The following TENM3 variants were observed in gnomAD, a reference collection of about 807,000 sequenced individuals.
The protein encoded by TENM3 is teneurin-3.
A neutral mutation model predicts 255.1 loss-of-function variants in TENM3; 63 were observed. The observed-to-expected ratio is 0.25, with a 90% confidence interval of 0.20 to 0.30. The LOEUF is 0.30. TENM3 is among the 10% of genes least tolerant of loss of function. TENM3 has a pLI of 1.00. For missense variants in TENM3, 2,929 were observed against 3,461.1 expected (o/e 0.85, Z 3.86); for synonymous variants, 1,306 against 1,322.3 (o/e 0.99, Z 0.27).
the TENM3 span, among the ~76,000 whole-genome samples, chr4:181,651,373 A>G: frequency 9.9e-5 from 15 of 152,148 alleles, no homozygotes; most frequent in African/African-American, 3.4e-4. Context: ...GCCAAGGCAG[A>G]TGGATCACCT....
chr4:182,236,652 T>C (rs1000277597), intron 1 of TENM3, among the ~76,000 whole-genome samples: 1 of 152,242 alleles, frequency 6.6e-6, no homozygotes, highest in African/African-American at 2.4e-5. Context: ...ACAAGGTTAC[T>C]CTGGTATGTG....
At chr4:182,282,497 G>A (rs1468268321) in intron 1 of TENM3, among the ~76,000 whole-genome samples, 2 of 152,206 alleles carry the variant, frequency 1.3e-5, no homozygotes, top group Non-Finnish European at 2.9e-5. Flanking sequence ...GAAAGTGGCT[G>A]TCATCGGTAA....
rs577016851 is a variant in TENM3, at chr4:182,743,424, G to A, written c.3629+5G>A. On this transcript the variant is annotated splice_donor_5th_base_variant and intron_variant, in intron 19 of 27. Coordinates refer to ENST00000511685, the MANE Select transcript of TENM3 (RefSeq NM_001080477.4). ...AACAAGTGTCTTAGAACTAAGGTAC[G>A]TCTTTCCTAAATTTGGGCTTTTAAC... The A allele has an allele frequency of 1.1e-4, 176 of 1,609,960 alleles. 2 individuals carry two copies. The highest frequency in any genetic ancestry group is 1.3e-4 in the African/African-American group (10 of 74,958).
the TENM3 span, among the ~76,000 whole-genome samples, chr4:182,074,595 G>C: frequency 1.3e-5 from 2 of 152,196 alleles, no homozygotes; most frequent in African/African-American, 4.8e-5. Context: ...AGCTATTGTT[G>C]CTTAAGCAAG....
At chr4:181,866,044 G>C in the TENM3 span, among the ~76,000 whole-genome samples, 1 of 151,992 alleles carries the variant, frequency 6.6e-6, no homozygotes, top group Non-Finnish European at 1.5e-5. Context: ...ATTTGCAAGG[G>C]GTATGAAATT....
the TENM3 span, among the ~76,000 whole-genome samples, chr4:181,984,076 C>T: frequency 6.6e-6 from 1 of 151,978 alleles, no homozygotes; most frequent in African/African-American, 2.4e-5. Flanking sequence ...ACCCCCACTT[C>T]CCTTTCTGTC....
chr4:182,313,933 A>G (rs1561310130), intron 1 of TENM3, among the ~76,000 whole-genome samples: 1 of 152,198 alleles, frequency 6.6e-6, no homozygotes, highest in Non-Finnish European at 1.5e-5. Flanking sequence ...TCAGCCAGAG[A>G]GATCTTCCTA....
At chr4:181,581,913 A>G in the TENM3 span, among the ~76,000 whole-genome samples, 1 of 151,812 alleles carries the variant, frequency 6.6e-6, no homozygotes. Flanking sequence ...TTGTATTTTT[A>G]GTAGAGATTG....
chr4:182,160,204 G>T (rs7681357), intron 1 of TENM3, among the ~76,000 whole-genome samples: 25,333 of 147,988 alleles, frequency 0.17, 2,543 homozygotes, highest in East Asian at 0.38. Context: ...GGGTTTCACC[G>T]TGTTAGCCAG....
chr4:181,962,642 C>T, the TENM3 span, among the ~76,000 whole-genome samples: 3 of 152,162 alleles, frequency 2.0e-5, no homozygotes, highest in Non-Finnish European at 2.9e-5. Context: ...AGTTACATGG[C>T]GTGATGATCA....
At chr4:181,577,869 T>G in the TENM3 span, among the ~76,000 whole-genome samples, 1 of 152,348 alleles carries the variant, frequency 6.6e-6, no homozygotes, top group Non-Finnish European at 1.5e-5. Context: ...ATTCTAACTT[T>G]TTAAAATTGT....
chr4:182,077,320 T>A, the TENM3 span, among the ~76,000 whole-genome samples: 2 of 152,218 alleles, frequency 1.3e-5, no homozygotes, highest in South Asian at 2.1e-4. Flanking sequence ...TTCTTGGGAT[T>A]GCTAAAATGC....
At chr4:181,982,858 C>G in the TENM3 span, among the ~76,000 whole-genome samples, 1 of 152,022 alleles carries the variant, frequency 6.6e-6, no homozygotes, top group South Asian at 2.1e-4. Flanking sequence ...AAAGTTGTTA[C>G]CAGAAATAAA....
chr4:181,888,538 A>G, the TENM3 span, among the ~76,000 whole-genome samples: 106 of 74,166 alleles, frequency 1.4e-3, 1 homozygote, highest in Middle Eastern at 7.1e-3. Context: ...ATATATGTGT[A>G]TATATATATA....
intron 1 of TENM3, among the ~76,000 whole-genome samples, chr4:182,283,833 T>C (rs1760556576): frequency 6.6e-6 from 1 of 152,170 alleles, no homozygotes; most frequent in Non-Finnish European, 1.5e-5. Context: ...TGTTGTCTTA[T>C]TTTTCTTCGA....
the TENM3 span, among the ~76,000 whole-genome samples, chr4:181,539,352 C>T: frequency 6.6e-6 from 1 of 152,098 alleles, no homozygotes; most frequent in Non-Finnish European, 1.5e-5. Context: ...AAATATGAAA[C>T]ATTGCCAATA....
the TENM3 span, among the ~76,000 whole-genome samples, chr4:181,457,927 C>T: frequency 6.6e-6 from 1 of 151,784 alleles, no homozygotes; most frequent in Non-Finnish European, 1.5e-5. Flanking sequence ...ATTTAGTTTT[C>T]CTATTACCAC....
At chr4:181,644,549 T>C in the TENM3 span, among the ~76,000 whole-genome samples, 2 of 152,198 alleles carry the variant, frequency 1.3e-5, no homozygotes, top group African/African-American at 4.8e-5. Context: ...CACCCACTTG[T>C]AGTTCCAAAC....
chr4:181,519,973 T>C, the TENM3 span, among the ~76,000 whole-genome samples: 1 of 152,216 alleles, frequency 6.6e-6, no homozygotes, highest in Admixed American at 6.5e-5. Context: ...AGTCAGAATT[T>C]CTTTCTTATT....
Sources: gnomAD v4.1 joint callset for allele counts (sites outside exome capture counted in the v4.1 genomes callset) on GRCh38, gnomAD v4.1.1 for gene constraint, MANE v1.5 for transcripts, NCBI Gene and HGNC (gene_info 2026-07-23, HGNC 2026-07-21) for gene names.